Variants in CTBP2 observed in about 807,000 individuals in gnomAD.
CTBP2 encodes C-terminal binding protein 2, also known as C-terminal-binding protein 2.
A neutral mutation model predicts 80.3 loss-of-function variants in CTBP2; 30 were observed. That is an observed-to-expected ratio of 0.37 (90% CI 0.28 to 0.51). The LOEUF (loss-of-function observed/expected upper bound fraction) is 0.51, where lower values mean the gene tolerates loss of function less well. CTBP2 is among the 20% of genes least tolerant of loss of function. CTBP2 has a pLI of 0.93. For synonymous variants in CTBP2, 594 were observed against 587.4 expected, an observed-to-expected ratio of 1.01 and a Z score of -0.16; for missense variants, 1,212 against 1,375.3, an observed-to-expected ratio of 0.88 and a Z score of 1.88.
At chr10:125,022,817 C>A (rs928020483) in intron 1 of CTBP2, among the ~76,000 whole-genome samples, 2 of 152,250 alleles carry the variant, frequency 1.3e-5, no homozygotes, top group Non-Finnish European at 2.9e-5. Flanking sequence ...GGTCAAGACC[C>A]TCAAGAGCAG....
At chr10:125,151,288 C>CA (rs1405414084) in intron 1 of CTBP2, among the ~76,000 whole-genome samples, 39 of 152,154 alleles carry the variant, frequency 2.6e-4, no homozygotes, top group Admixed American at 1.3e-4. Context: ...AACCTCTAGT[C>CA]ACATGCCTCG....
intron 1 of CTBP2, among the ~76,000 whole-genome samples, chr10:125,157,150 T>C (rs188820545): frequency 1.1e-4 from 16 of 152,338 alleles, no homozygotes; most frequent in East Asian, 7.7e-4. Context: ...CTTCACGGAA[T>C]TGATGATTCA....
At chr10:125,041,336 G>A (rs1959682943) in intron 2 of CTBP2, among the ~76,000 whole-genome samples, 2 of 152,170 alleles carry the variant, frequency 1.3e-5, no homozygotes, top group African/African-American at 4.8e-5. Context: ...ACCCACCTCA[G>A]CCTCCCAAAG....
intron 1 of CTBP2, among the ~76,000 whole-genome samples, chr10:125,022,458 G>T (rs1230912100): frequency 2.0e-5 from 3 of 152,160 alleles, no homozygotes; most frequent in Non-Finnish European, 4.4e-5. Flanking sequence ...AGGAAGGATG[G>T]AAAGAAGGAA....
intron 2 of CTBP2, among the ~76,000 whole-genome samples, chr10:125,108,987 A>G (rs1851881163): frequency 6.6e-6 from 1 of 152,264 alleles, no homozygotes; most frequent in Non-Finnish European, 1.5e-5. Context: ...GAAGCGTGTC[A>G]CAATTTCATT....
At chr10:125,070,572 A>G (rs945032817) in intron 2 of CTBP2, among the ~76,000 whole-genome samples, 2 of 148,022 alleles carry the variant, frequency 1.4e-5, no homozygotes, top group East Asian at 1.9e-4. Flanking sequence ...TGATAATGAT[A>G]ATAATAATAA....
At chr10:125,134,888 C>CCCTGCCT (rs1285992377) in intron 1 of CTBP2, among the ~76,000 whole-genome samples, 1 of 135,118 alleles carries the variant, frequency 7.4e-6, no homozygotes, top group African/African-American at 3.3e-5. Flanking sequence ...GCCTCCTGCC[C>CCCTGCCT]CCTGCCCCCT....
chr10:125,003,221 A>T, intron 2 of CTBP2, 117 bp from the exon 5 acceptor site: 3 of 1,583,746 alleles, frequency 1.9e-6, no homozygotes, highest in Non-Finnish European at 2.6e-6. Context: ...TTCAGCAGGA[A>T]AGCAGGGAAC....
intron 1 of CTBP2, among the ~76,000 whole-genome samples, chr10:125,111,562 C>T (rs773754148): frequency 7.9e-5 from 12 of 152,348 alleles, no homozygotes; most frequent in African/African-American, 2.6e-4. Context: ...CTCTGATTAA[C>T]GGTTGCAGTT....
intron 3 of CTBP2, among the ~76,000 whole-genome samples, chr10:125,001,962 C>T (rs886248266): frequency 2.8e-5 from 4 of 145,280 alleles, no homozygotes; most frequent in Non-Finnish European, 4.4e-5. Flanking sequence ...TGTAACACTC[C>T]GCTCACACAC....
intron 1 of CTBP2, among the ~76,000 whole-genome samples, chr10:125,016,986 C>A (rs545783651): frequency 6.6e-6 from 1 of 152,220 alleles, no homozygotes; most frequent in African/African-American, 2.4e-5. Flanking sequence ...GACTGGCCTG[C>A]GCTGGGCAGT....
At position 125,026,246 on chromosome 10, in the gene CTBP2, G is replaced by C; in HGVS notation, c.1514C>G (p.Pro505Arg). 1.2e-6 allele frequency: 2 copies of C among 1,613,874 alleles called. No individual in the cohort carries two copies. The highest frequency in any genetic ancestry group is 1.7e-6 in the Non-Finnish European group (2 of 1,179,940). The change falls in exon 1 of 9, where the codon CCT (proline) becomes CGT (arginine). Residue 505 changes from proline (P) to arginine (R), a missense_variant. This residue lies in a region of CTBP2 where 848 missense variants were observed against 782.3 expected (regional missense o/e 1.08). Coordinates refer to ENST00000309035, the MANE Select transcript of CTBP2 (RefSeq NM_022802.3). ...CCGCAAGACCTGGGGGCTGCCGTGA[G>C]GGCTGGGCAGCGGAGAGGCGGCCAC...
chr10:125,094,308 G>A (rs188630092), intron 2 of CTBP2, among the ~76,000 whole-genome samples: 4 of 152,278 alleles, frequency 2.6e-5, no homozygotes, highest in Admixed American at 6.5e-5. Context: ...TCTGTCAAAT[G>A]CACTGTCATG....
chr10:125,130,642 G>A (rs1856017046), intron 1 of CTBP2, among the ~76,000 whole-genome samples: 1 of 152,166 alleles, frequency 6.6e-6, no homozygotes, highest in Non-Finnish European at 1.5e-5. Flanking sequence ...CAACTTCCCA[G>A]TTAAAATATA....
chr10:125,072,085 C>T (rs373779085), intron 2 of CTBP2, among the ~76,000 whole-genome samples: 145 of 152,214 alleles, frequency 9.5e-4, no homozygotes, highest in African/African-American at 3.2e-3. Flanking sequence ...TGGCCGGGCA[C>T]GGTGGCTCAC....
chr10:125,048,997 G>C (rs12411700), intron 2 of CTBP2, among the ~76,000 whole-genome samples: 13,482 of 150,690 alleles, frequency 0.089, 806 homozygotes, highest in Admixed American at 0.18. Context: ...ATTCTGGCCA[G>C]AATGCACATT....
intron 1 of CTBP2, among the ~76,000 whole-genome samples, chr10:125,019,485 A>C (rs1026321611): frequency 4.6e-5 from 7 of 152,076 alleles, no homozygotes; most frequent in South Asian, 4.1e-4. Flanking sequence ...AAAAAAAAAA[A>C]CCACGTCTTT....
intron 2 of CTBP2, among the ~76,000 whole-genome samples, chr10:125,054,879 C>A (rs773038742): frequency 6.6e-6 from 1 of 152,136 alleles, no homozygotes; most frequent in Admixed American, 6.5e-5. Context: ...TTGGGGTAAA[C>A]GCTATTCTCC....
chr10:125,003,725 C>T (rs573562715), intron 1 of CTBP2, among the ~76,000 whole-genome samples: 26 of 152,324 alleles, frequency 1.7e-4, no homozygotes, highest in African/African-American at 5.8e-4. Context: ...GCTTCCCTGC[C>T]AGCAGACCAT....
Sources: gnomAD v4.1 joint callset for allele counts (sites outside exome capture counted in the v4.1 genomes callset) on GRCh38, gnomAD v4.1.1 for gene constraint, gnomAD v4.1.1 regional missense constraint, MANE v1.5 for transcripts, NCBI Gene and HGNC (gene_info 2026-07-23, HGNC 2026-07-21) for gene names.